Variants in CIMIP6 observed in about 807,000 individuals in gnomAD.
The protein encoded by CIMIP6 is ciliary microtubule inner protein 6.
chr2:54,332,292 A>AT, the CIMIP6 span, among the ~76,000 whole-genome samples: 1 of 152,046 alleles, frequency 6.6e-6, no homozygotes, highest in Non-Finnish European at 1.5e-5. Context: ...CTATTTTATT[A>AT]TTGTCCTTAG....
chr2:54,359,608 A>T, the CIMIP6 span, among the ~76,000 whole-genome samples: 29 of 151,040 alleles, frequency 1.9e-4, no homozygotes, highest in Admixed American at 3.3e-4. Context: ...AATAATAATA[A>T]TAATAATAAT....
chr2:54,335,688 A>T, the CIMIP6 span, among the ~76,000 whole-genome samples: 1 of 152,178 alleles, frequency 6.6e-6, no homozygotes, highest in African/African-American at 2.4e-5. Flanking sequence ...CCTATTGCTG[A>T]TGTTACAAAT....
the CIMIP6 span, chr2:54,334,673 A>T: frequency 1.7e-6 from 1 of 601,222 alleles, no homozygotes; most frequent in Non-Finnish European, 2.9e-6. Flanking sequence ...CCTAAATTTT[A>T]ACAGCACAAA....
At chr2:54,346,331 A>C in the CIMIP6 span, among the ~76,000 whole-genome samples, 1 of 152,312 alleles carries the variant, frequency 6.6e-6, no homozygotes, top group South Asian at 2.1e-4. Flanking sequence ...AGTTGATACT[A>C]TCCAGTGGGG....
At chr2:54,363,749 A>C in the CIMIP6 span, among the ~76,000 whole-genome samples, 4 of 152,212 alleles carry the variant, frequency 2.6e-5, no homozygotes, top group Admixed American at 6.5e-5. Flanking sequence ...AGAGGGCAAC[A>C]GGGAGTGGCT....
At chr2:54,384,007 G>A in the CIMIP6 span, among the ~76,000 whole-genome samples, 1 of 152,118 alleles carries the variant, frequency 6.6e-6, no homozygotes, top group Non-Finnish European at 1.5e-5. Flanking sequence ...GGACTTCTCA[G>A]CTTCTAGAAC....
At chr2:54,346,824 A>G in the CIMIP6 span, among the ~76,000 whole-genome samples, 12 of 152,296 alleles carry the variant, frequency 7.9e-5, no homozygotes, top group East Asian at 2.1e-3. Context: ...TCTTTTTAAA[A>G]ACACATGTGA....
At chr2:54,335,981 A>G in the CIMIP6 span, among the ~76,000 whole-genome samples, 20 of 152,274 alleles carry the variant, frequency 1.3e-4, no homozygotes, top group South Asian at 4.2e-4. Context: ...ACCCACCCAG[A>G]TAATTCAGGA....
the CIMIP6 span, among the ~76,000 whole-genome samples, chr2:54,337,134 C>T: frequency 6.6e-6 from 1 of 152,182 alleles, no homozygotes; most frequent in East Asian, 1.9e-4. Flanking sequence ...CAGCCTCCTC[C>T]TACTCCACTT....
chr2:54,367,745 C>G, the CIMIP6 span, among the ~76,000 whole-genome samples: 1 of 152,088 alleles, frequency 6.6e-6, no homozygotes, highest in South Asian at 2.1e-4. Context: ...TCAGGATGCT[C>G]TATAATATTT....
chr2:54,336,043 T>G, the CIMIP6 span, among the ~76,000 whole-genome samples: 1 of 152,190 alleles, frequency 6.6e-6, no homozygotes, highest in Admixed American at 6.5e-5. Context: ...CCCTTTGCTA[T>G]GCAAGGTAAC....
the CIMIP6 span, among the ~76,000 whole-genome samples, chr2:54,357,555 G>T: frequency 6.7e-6 from 1 of 148,522 alleles, no homozygotes; most frequent in South Asian, 2.1e-4. Flanking sequence ...AGATATGTTC[G>T]TTGTACATAA....
chr2:54,361,399 TTATAAGA>T, the CIMIP6 span: 1 of 152,240 alleles, frequency 6.6e-6, no homozygotes, highest in Non-Finnish European at 1.5e-5. Context: ...AATGTATCTA[TTATAAGA>T]TATGTTATAT....
At chr2:54,371,382 A>C in the CIMIP6 span, among the ~76,000 whole-genome samples, 71 of 152,330 alleles carry the variant, frequency 4.7e-4, 1 homozygote, top group African/African-American at 1.7e-3. Flanking sequence ...GGGGGAAGGC[A>C]GGCCCATCCT....
chr2:54,343,834 G>C, the CIMIP6 span: 1 of 1,610,318 alleles, frequency 6.2e-7, no homozygotes, highest in Admixed American at 1.7e-5. Context: ...GGTTTTGCCA[G>C]TCAAACACAG....
chr2:54,361,592 C>T, the CIMIP6 span: 1 of 152,028 alleles, frequency 6.6e-6, no homozygotes, highest in African/African-American at 2.4e-5. Context: ...TAATGAATGT[C>T]ATTATATTTT....
At chr2:54,365,119 T>C in the CIMIP6 span, among the ~76,000 whole-genome samples, 1 of 152,020 alleles carries the variant, frequency 6.6e-6, no homozygotes, top group African/African-American at 2.4e-5. Flanking sequence ...GCTGTGAAAA[T>C]AATTCTGGGT....
chr2:54,380,586 AG>A, the CIMIP6 span, among the ~76,000 whole-genome samples: 1 of 152,198 alleles, frequency 6.6e-6, no homozygotes, highest in Non-Finnish European at 1.5e-5. Context: ...ACACTCAAAA[AG>A]CTCCTGGGAA....
chr2:54,352,122 A>AT, the CIMIP6 span, among the ~76,000 whole-genome samples: 38 of 152,106 alleles, frequency 2.5e-4, no homozygotes, highest in African/African-American at 9.2e-4. Context: ...TTTGATCAAA[A>AT]TTTTTTTGAC....
Sources: allele counts gnomAD v4.1 joint callset (sites outside exome capture counted in the v4.1 genomes callset), GRCh38; gene constraint gnomAD v4.1.1; transcripts MANE v1.5; gene names NCBI Gene and HGNC (gene_info 2026-07-23, HGNC 2026-07-21).